The following ADGRB3 variants were observed in gnomAD, a reference collection of about 807,000 sequenced individuals.
ADGRB3 encodes adhesion G protein-coupled receptor B3.
ADGRB3 carries 37 observed loss-of-function variants against 193.4 expected under a neutral mutation model. The ratio of observed to expected loss-of-function variants is 0.19; its 90% CI spans 0.15 to 0.25. ADGRB3 has a LOEUF of 0.25. Ranked by LOEUF, ADGRB3 falls within the 10% of genes least tolerant of loss-of-function variation. The pLI is 1.00. For synonymous variants in ADGRB3, 690 were observed against 644.2 expected (o/e 1.07, Z -1.08); for missense variants, 1,637 against 1,852.9 (o/e 0.88, Z 2.14).
intron 29 of ADGRB3, among the ~76,000 whole-genome samples, chr6:69,367,541 T>C (rs898456300): frequency 3.3e-5 from 5 of 152,124 alleles, no homozygotes; most frequent in African/African-American, 1.2e-4. Context: ...CCTGACTTTT[T>C]AATGATTGCC....
At chr6:68,695,196 G>C (rs961487774) in intron 3 of ADGRB3, among the ~76,000 whole-genome samples, 1 of 151,948 alleles carries the variant, frequency 6.6e-6, no homozygotes, top group African/African-American at 2.4e-5. Flanking sequence ...TGAATGTAGA[G>C]AAATGACAAA....
At chr6:69,139,486 A>T (rs1774257373) in intron 17 of ADGRB3, among the ~76,000 whole-genome samples, 1 of 152,236 alleles carries the variant, frequency 6.6e-6, no homozygotes, top group Non-Finnish European at 1.5e-5. Flanking sequence ...GTTGCATTTT[A>T]TGTGAGGAAT....
intron 4 of ADGRB3, 141 bp downstream of exon 4, chr6:68,930,810 TC>T: frequency 1.6e-6 from 1 of 632,214 alleles, no homozygotes; most frequent in East Asian, 2.8e-5. Flanking sequence ...CCAGTTAAAG[TC>T]CATAAATAAA....
intron 3 of ADGRB3, among the ~76,000 whole-genome samples, chr6:68,725,320 C>T (rs1562006775): frequency 6.6e-6 from 1 of 151,612 alleles, no homozygotes; most frequent in African/African-American, 2.4e-5. Flanking sequence ...GTGAGAATCA[C>T]ATGATTAGAT....
chr6:68,990,710 T>C (rs1769215149), intron 10 of ADGRB3, among the ~76,000 whole-genome samples: 1 of 152,194 alleles, frequency 6.6e-6, no homozygotes, highest in African/African-American at 2.4e-5. Flanking sequence ...TATGTTGTGA[T>C]GTTTTTGTTT....
chr6:68,656,435 C>A (rs1768491185), intron 3 of ADGRB3, among the ~76,000 whole-genome samples: 1 of 151,436 alleles, frequency 6.6e-6, no homozygotes, highest in South Asian at 2.1e-4. Flanking sequence ...CTGTAACACA[C>A]TGGATTATAT....
At chr6:69,029,930 T>A (rs1770578410) in intron 13 of ADGRB3, among the ~76,000 whole-genome samples, 1 of 150,032 alleles carries the variant, frequency 6.7e-6, no homozygotes, top group Non-Finnish European at 1.5e-5. Context: ...AGAGAAAAAA[T>A]TTATGAAGCC....
chr6:68,895,671 A>G (rs887524337), intron 3 of ADGRB3, among the ~76,000 whole-genome samples: 5 of 152,014 alleles, frequency 3.3e-5, no homozygotes, highest in African/African-American at 1.2e-4. Context: ...ATGTTTTCCA[A>G]TGTTTCCTGA....
Position 68,936,562 on chromosome 6 carries a change from G to T in ADGRB3, c.912G>T (p.Ser304=). The change falls in exon 5 of 32, where the codon TCG becomes TCT. Residue 304 remains serine (S), a synonymous_variant. Coordinates refer to ENST00000370598, the MANE Select transcript of ADGRB3 (RefSeq NM_001704.3). ...VEEWSQWSTC[S]VTCGQGSQVR... ...AGTGGTCCCAGTGGAGCACATGTTCGGTTACTTGTGGTCAAGGGTCGCAGG... is the reference window on the plus strand; with the variant it reads ...AGTGGTCCCAGTGGAGCACATGTTCTGTTACTTGTGGTCAAGGGTCGCAGG... 2 of 1,613,968 alleles carry T rather than the reference G, an allele frequency of 1.2e-6. No homozygotes were observed. Among genetic ancestry groups the T allele is most frequent in the Non-Finnish European group, 1.7e-6 (2 of 1,179,956 alleles).
chr6:68,655,475 A>G (rs1467081735), intron 3 of ADGRB3, among the ~76,000 whole-genome samples: 1 of 151,714 alleles, frequency 6.6e-6, no homozygotes, highest in Non-Finnish European at 1.5e-5. Flanking sequence ...TCTTCACTGC[A>G]ATTAGAATTC....
At chr6:69,157,107 G>A (rs1200235043) in intron 17 of ADGRB3, among the ~76,000 whole-genome samples, 1 of 152,184 alleles carries the variant, frequency 6.6e-6, no homozygotes, top group African/African-American at 2.4e-5. Context: ...ACTGTGTGCA[G>A]ATTACTTAAC....
At chr6:68,910,350 G>T (rs1221115610) in intron 3 of ADGRB3, among the ~76,000 whole-genome samples, 1 of 152,158 alleles carries the variant, frequency 6.6e-6, no homozygotes, top group Non-Finnish European at 1.5e-5. Context: ...CTCCCATTCT[G>T]TAGGTTGCCT....
intron 17 of ADGRB3, among the ~76,000 whole-genome samples, chr6:69,169,550 G>A (rs140507929): frequency 0.016 from 2,349 of 148,702 alleles, 26 homozygotes; most frequent in Non-Finnish European, 0.021. Flanking sequence ...ATATAAGCAC[G>A]AATTGTGATT....
chr6:68,981,511 TTGTATTGACTTTA>T, intron 10 of ADGRB3, among the ~76,000 whole-genome samples: 1 of 151,852 alleles, frequency 6.6e-6, no homozygotes, highest in Admixed American at 6.6e-5. Flanking sequence ...AAACTTTCAA[TTGTATTGACTTTA>T]TGTATTGTAT....
chr6:69,027,144 TA>T (rs1023117431), intron 13 of ADGRB3, among the ~76,000 whole-genome samples: 1 of 152,112 alleles, frequency 6.6e-6, no homozygotes, highest in Non-Finnish European at 1.5e-5. Flanking sequence ...TGTACAGCTG[TA>T]AAAATATTTT....
At chr6:69,083,473 A>C (rs948362450) in intron 17 of ADGRB3, among the ~76,000 whole-genome samples, 1 of 152,172 alleles carries the variant, frequency 6.6e-6, no homozygotes, top group African/African-American at 2.4e-5. Context: ...GAATAAACAA[A>C]AATAACTTTT....
chr6:68,786,467 T>C (rs77356236), intron 3 of ADGRB3, among the ~76,000 whole-genome samples: 2 of 152,198 alleles, frequency 1.3e-5, no homozygotes, highest in East Asian at 3.8e-4. Flanking sequence ...TAGTTGTAGA[T>C]ATGCAGCGTT....
At chr6:68,675,215 T>C (rs1038004594) in intron 3 of ADGRB3, among the ~76,000 whole-genome samples, 18 of 152,140 alleles carry the variant, frequency 1.2e-4, no homozygotes, top group African/African-American at 1.9e-4. Flanking sequence ...CTTAGACATA[T>C]TTACATCACC....
At chr6:69,131,568 A>G (rs1036042791) in intron 17 of ADGRB3, among the ~76,000 whole-genome samples, 1 of 152,094 alleles carries the variant, frequency 6.6e-6, no homozygotes, top group Non-Finnish European at 1.5e-5. Flanking sequence ...AATACTATAT[A>G]CTATAAAATG....
Sources: gnomAD v4.1 joint callset for allele counts (sites outside exome capture counted in the v4.1 genomes callset) on GRCh38, gnomAD v4.1.1 for gene constraint, MANE v1.5 for transcripts, NCBI Gene and HGNC (gene_info 2026-07-23, HGNC 2026-07-21) for gene names.